Variants in CTNNA3 observed in about 807,000 individuals in gnomAD.
The protein encoded by CTNNA3 is catenin alpha 3, also known as catenin alpha-3.
A neutral mutation model predicts 95.7 loss-of-function variants in CTNNA3; 76 were observed. That is an observed-to-expected ratio of 0.79 (90% confidence interval 0.66 to 0.96). The LOEUF (loss-of-function observed/expected upper bound fraction) is 0.96, where lower values mean the gene tolerates loss of function less well. CTNNA3 is among the 40% of genes least tolerant of loss of function. The pLI is 0.00. For synonymous variants in CTNNA3, 431 were observed against 374.4 expected, an observed-to-expected ratio of 1.15 and a Z score of -1.74; for missense variants, 1,191 against 1,089.8, an observed-to-expected ratio of 1.09 and a Z score of -1.31.
intron 7 of CTNNA3, among the ~76,000 whole-genome samples, chr10:67,024,904 G>A (rs1342607602): frequency 6.6e-6 from 1 of 151,988 alleles, no homozygotes; most frequent in African/African-American, 2.4e-5. Context: ...GCCAAGGCGG[G>A]CGGATCACCT....
chr10:67,187,305 A>G (rs1862898653), intron 6 of CTNNA3, among the ~76,000 whole-genome samples: 1 of 152,188 alleles, frequency 6.6e-6, no homozygotes, highest in Non-Finnish European at 1.5e-5. Flanking sequence ...AGTGAGCAAG[A>G]TTAAGTAAGT....
intron 9 of CTNNA3, among the ~76,000 whole-genome samples, chr10:66,634,520 G>T (rs1183352176): frequency 6.6e-6 from 1 of 150,886 alleles, no homozygotes. Context: ...AGCCAATATT[G>T]ATCTTAATAA....
At chr10:66,486,547 T>G (rs1409386419) in intron 11 of CTNNA3, among the ~76,000 whole-genome samples, 1 of 152,100 alleles carries the variant, frequency 6.6e-6, no homozygotes, top group Non-Finnish European at 1.5e-5. Flanking sequence ...AGATAAGAAG[T>G]ATGGGCAAGG....
intron 13 of CTNNA3, among the ~76,000 whole-genome samples, chr10:66,117,577 C>T (rs2082394045): frequency 6.6e-6 from 1 of 152,070 alleles, no homozygotes; most frequent in Admixed American, 6.6e-5. Flanking sequence ...ACCAGAGGAA[C>T]TTAGAGATCA....
chr10:66,832,426 G>A lies in CTNNA3; in HGVS notation c.1048-56902C>T, dbSNP rs117509038. On this transcript the variant is annotated intron_variant, in intron 7 of 17. Coordinates refer to ENST00000433211, the MANE Select transcript of CTNNA3 (RefSeq NM_013266.4). The stretch of plus-strand genomic sequence containing the variant: ...AAGTTACGGGAAAATTTGAAGTTCC[G>A]GAAAAAGTTCTTAAGGCACACCAGT... Among the ~76,000 whole-genome samples the A allele has an allele frequency of 9.5e-4, 145 of 151,964 alleles. 1 individual carries two copies. In the East Asian group the frequency reaches 0.022, roughly 23 times the overall value.
chr10:66,103,006 C>G lies in CTNNA3; in HGVS notation c.1977+151G>C. 3 of 644,712 alleles carry G rather than the reference C, an allele frequency of 4.7e-6. No homozygotes were observed. The South Asian group carries it at 5.6e-5, about 12-fold the overall frequency. 39.9% of individuals were successfully genotyped at this position (644,712 alleles called of 1,614,324 possible). ...GAAAATAATTCCCCTCATGTGGTTT[C>G]CCTTAATGCTAAGGCTTTTCTCCAT... On this transcript the variant is annotated intron_variant, in intron 14 of 17. Transcript: ENST00000433211.
intron 13 of CTNNA3, among the ~76,000 whole-genome samples, chr10:66,183,155 A>C (rs2086142138): frequency 6.6e-6 from 1 of 152,256 alleles, no homozygotes; most frequent in Non-Finnish European, 1.5e-5. Flanking sequence ...AAACCTTTAG[A>C]CAGTCCATGC....
intron 10 of CTNNA3, among the ~76,000 whole-genome samples, chr10:66,544,710 T>C (rs1002846063): frequency 2.6e-5 from 4 of 152,134 alleles, no homozygotes; most frequent in Admixed American, 6.5e-5. Flanking sequence ...TTGTGTTTTG[T>C]TTTGCTTTTA....
intron 7 of CTNNA3, among the ~76,000 whole-genome samples, chr10:66,836,288 A>G (rs1213158940): frequency 1.3e-5 from 2 of 152,126 alleles, no homozygotes; most frequent in Non-Finnish European, 2.9e-5. Context: ...CACACTGTTT[A>G]AATTCCACAG....
intron 10 of CTNNA3, among the ~76,000 whole-genome samples, chr10:66,607,546 T>C (rs2605500): frequency 0.66 from 97,800 of 147,534 alleles, 33,137 homozygotes; most frequent in East Asian, 0.92. Flanking sequence ...AATTTTGAGG[T>C]AGAAATCCTC....
intron 3 of CTNNA3, among the ~76,000 whole-genome samples, chr10:67,545,353 A>G (rs1564729250): frequency 2.0e-5 from 3 of 152,278 alleles, no homozygotes; most frequent in Non-Finnish European, 4.4e-5. Flanking sequence ...CCTTTCCGGT[A>G]TGTAAAATAT....
At chr10:66,665,867 A>T (rs1344394100) in intron 9 of CTNNA3, among the ~76,000 whole-genome samples, 1 of 152,158 alleles carries the variant, frequency 6.6e-6, no homozygotes, top group Non-Finnish European at 1.5e-5. Flanking sequence ...CCAAAAAATG[A>T]TATTTTTGTC....
intron 10 of CTNNA3, among the ~76,000 whole-genome samples, chr10:66,567,686 C>T (rs1284667274): frequency 6.6e-6 from 1 of 152,092 alleles, no homozygotes; most frequent in Non-Finnish European, 1.5e-5. Flanking sequence ...CAGCGAAGGG[C>T]TTCACTAAAA....
chr10:66,236,234 A>G (rs75870753), intron 13 of CTNNA3, among the ~76,000 whole-genome samples: 3,720 of 152,276 alleles, frequency 0.024, 101 homozygotes, highest in African/African-American at 0.066. Flanking sequence ...TGAATAAAGT[A>G]TCTCTTCTTT....
At chr10:67,641,695 A>G (rs59722596) in intron 2 of CTNNA3, among the ~76,000 whole-genome samples, 2,457 of 152,266 alleles carry the variant, frequency 0.016, 62 homozygotes, top group African/African-American at 0.055. Flanking sequence ...TGATGAGTTC[A>G]TGTCCTTTGT....
chr10:66,123,157 A>G (rs2082658766), intron 13 of CTNNA3, among the ~76,000 whole-genome samples: 1 of 152,196 alleles, frequency 6.6e-6, no homozygotes, highest in Non-Finnish European at 1.5e-5. Flanking sequence ...ATGATCCTGT[A>G]AAATCAAAGG....
chr10:66,161,433 A>G (rs2084838646), intron 13 of CTNNA3, among the ~76,000 whole-genome samples: 1 of 152,114 alleles, frequency 6.6e-6, no homozygotes. Flanking sequence ...TCTGAAAATG[A>G]CTGTATCTTT....
chr10:65,965,901 AATTTATAAT>A (rs1219218706), intron 17 of CTNNA3, among the ~76,000 whole-genome samples: 1 of 152,142 alleles, frequency 6.6e-6, no homozygotes, highest in Non-Finnish European at 1.5e-5. Context: ...TTTAAACTTA[AATTTATAAT>A]CTTAGTCCAT....
chr10:67,231,595 G>A (rs1865215411), intron 5 of CTNNA3, among the ~76,000 whole-genome samples: 1 of 152,140 alleles, frequency 6.6e-6, no homozygotes, highest in Admixed American at 6.5e-5. Context: ...CAGAAAAATT[G>A]GAAACTCTAA....
Sources: allele counts gnomAD v4.1 joint callset (sites outside exome capture counted in the v4.1 genomes callset), GRCh38; gene constraint gnomAD v4.1.1; transcripts MANE v1.5; gene names NCBI Gene and HGNC (gene_info 2026-07-23, HGNC 2026-07-21).